AOPEP: variants seen among roughly 807,000 people sequenced by gnomAD.
The protein encoded by AOPEP is aminopeptidase O.
AOPEP carries 77 observed loss-of-function variants against 98.1 expected under a neutral mutation model. The observed-to-expected ratio is 0.78, with a 90% CI of 0.65 to 0.95. The LOEUF (loss-of-function observed/expected upper bound fraction) is 0.95, where lower values mean the gene tolerates loss of function less well. AOPEP is among the 40% of genes least tolerant of loss of function. The pLI, the probability that AOPEP is intolerant of heterozygous loss-of-function variation, is 0.00. For synonymous variants in AOPEP, 346 were observed against 365.3 expected, an observed-to-expected ratio of 0.95 and a Z score of 0.60; for missense variants, 1,024 against 1,024.7, an observed-to-expected ratio of 1.00 and a Z score of 0.01.
chr9:95,041,720 G>A (rs972173987), intron 13 of AOPEP, among the ~76,000 whole-genome samples: 14 of 152,104 alleles, frequency 9.2e-5, no homozygotes, highest in South Asian at 6.2e-4. Flanking sequence ...ATCAAGACGC[G>A]GTGGCCCCTG....
the AOPEP span, among the ~76,000 whole-genome samples, chr9:95,117,816 C>T: frequency 2.6e-5 from 4 of 151,742 alleles, no homozygotes; most frequent in South Asian, 2.1e-4. Context: ...CTCTGGCTCC[C>T]GGGTTCAAGC....
At chr9:94,768,385 A>G (rs1300797146) in intron 2 of AOPEP, among the ~76,000 whole-genome samples, 1 of 152,226 alleles carries the variant, frequency 6.6e-6, no homozygotes, top group Non-Finnish European at 1.5e-5. Flanking sequence ...CTGCGAAAAG[A>G]CAAATGCGTA....
chr9:95,064,579 G>A (rs568791604), intron 14 of AOPEP, among the ~76,000 whole-genome samples: 2 of 152,336 alleles, frequency 1.3e-5, no homozygotes, highest in South Asian at 2.1e-4. Flanking sequence ...GTGAGCCACC[G>A]CGCCTGGCCT....
chr9:95,016,078 T>G (rs2062957088), intron 13 of AOPEP, among the ~76,000 whole-genome samples: 1 of 152,038 alleles, frequency 6.6e-6, no homozygotes, highest in Non-Finnish European at 1.5e-5. Flanking sequence ...ACCTCTGAAC[T>G]TGGTTCAGTC....
Position 94,760,571 on chromosome 9 carries a change from A to C in AOPEP, c.788A>C (p.Gln263Pro). The C allele has an allele frequency of 6.5e-7, 1 of 1,538,238 alleles. No homozygotes were observed. The highest frequency in any genetic ancestry group is 8.7e-7 in the Non-Finnish European group (1 of 1,146,554). Residue 263 changes from glutamine to proline, a missense_variant, in exon 2 of 17, where the codon CAG becomes CCG. Physicochemically the swap from Gln to Pro is moderately conservative, Grantham distance 76. Around this residue, in one of 3 missense-constraint regions of AOPEP, gnomAD observed 440 missense variants for 433.8 expected, o/e 1.01. Transcript: ENST00000375315. The stretch of plus-strand genomic sequence containing the variant: ...CGATCGGTTACATGGACCTCAGACC[A>C]GAGTGGCAGGTAGGTTATCCAAGCA... ...EGRSVTWTSD[Q>P]SGRPCVYTVG...
chr9:94,832,883 A>G (rs1359915500), intron 5 of AOPEP, among the ~76,000 whole-genome samples: 19 of 151,908 alleles, frequency 1.3e-4, no homozygotes, highest in Non-Finnish European at 2.9e-5. Flanking sequence ...TCGGGGGTAC[A>G]GATAGTAAGA....
chr9:95,132,980 A>G, the AOPEP span, among the ~76,000 whole-genome samples: 1 of 152,268 alleles, frequency 6.6e-6, no homozygotes, highest in South Asian at 2.1e-4. Context: ...AATTACTCTC[A>G]GAATCCAACT....
At position 94,955,163 on chromosome 9, in the gene AOPEP, C is replaced by G; in HGVS notation, c.1662-14C>G. ...TGTGCTATACTTAAATAAATTGTTA[C>G]TAAATCGTTTTAGACCCAGTAAAGA... On this transcript the variant is annotated splice_polypyrimidine_tract_variant and intron_variant, in intron 7 of 16. Coordinates refer to ENST00000375315, the MANE Select transcript of AOPEP (RefSeq NM_001193329.3). The G allele has an allele frequency of 1.3e-6, 2 of 1,503,906 alleles. No individual in the cohort carries two copies. Among genetic ancestry groups the G allele is most frequent in the African/African-American group, 2.8e-5 (2 of 72,138 alleles). The allele number at this position is 1,503,906 out of a possible 1,614,324, so 93.2% of individuals were successfully genotyped here.
the AOPEP span, chr9:95,149,961 C>T: frequency 1.9e-6 from 3 of 1,611,640 alleles, no homozygotes; most frequent in East Asian, 2.2e-5. Context: ...AGAACTCTGG[C>T]TGGAGGATTT....
the AOPEP span, among the ~76,000 whole-genome samples, chr9:95,140,951 A>AT: frequency 6.6e-6 from 1 of 152,064 alleles, no homozygotes; most frequent in Non-Finnish European, 1.5e-5. Flanking sequence ...ATATAAGCAG[A>AT]TTTTTTATTA....
the AOPEP span, among the ~76,000 whole-genome samples, chr9:95,106,146 T>C: frequency 6.6e-6 from 1 of 152,152 alleles, no homozygotes; most frequent in Non-Finnish European, 1.5e-5. Context: ...CTCTCCTTGC[T>C]GACAGCCATC....
chr9:94,941,718 C>G (rs2057030042), intron 7 of AOPEP, among the ~76,000 whole-genome samples: 1 of 152,182 alleles, frequency 6.6e-6, no homozygotes, highest in Non-Finnish European at 1.5e-5. Flanking sequence ...CCTGGTTAGT[C>G]AGCACTCAGG....
chr9:95,147,070 TA>T, the AOPEP span, among the ~76,000 whole-genome samples: 1 of 150,764 alleles, frequency 6.6e-6, no homozygotes, highest in East Asian at 1.9e-4. Flanking sequence ...TATTTTAATA[TA>T]TATTTTAGAT....
intron 1 of AOPEP, among the ~76,000 whole-genome samples, chr9:94,752,035 G>C (rs925770804): frequency 6.6e-6 from 1 of 151,808 alleles, no homozygotes; most frequent in East Asian, 1.9e-4. Context: ...TGGACTATAG[G>C]CGTGTACACC....
intron 7 of AOPEP, among the ~76,000 whole-genome samples, chr9:94,952,361 T>C (rs1042362812): frequency 6.6e-6 from 1 of 152,262 alleles, no homozygotes; most frequent in African/African-American, 2.4e-5. Flanking sequence ...CCCATGAAAG[T>C]ACATTCAGAT....
chr9:94,819,962 T>TG (rs1298666623), intron 5 of AOPEP, among the ~76,000 whole-genome samples: 12 of 149,608 alleles, frequency 8.0e-5, no homozygotes, highest in South Asian at 2.1e-4. Context: ...TTTTTTTTTT[T>TG]TGAGATGGAG....
chr9:95,025,692 A>G (rs1458123806), intron 13 of AOPEP, among the ~76,000 whole-genome samples: 2 of 152,228 alleles, frequency 1.3e-5, no homozygotes, highest in Non-Finnish European at 2.9e-5. Context: ...TTTGGGAGGT[A>G]AGTGACTTGT....
chr9:94,797,244 C>T (rs967628442), intron 4 of AOPEP, among the ~76,000 whole-genome samples: 4 of 152,074 alleles, frequency 2.6e-5, no homozygotes, highest in Admixed American at 2.0e-4. Flanking sequence ...CCATCCTGAC[C>T]AACATGGTGA....
At chr9:94,817,660 C>A (rs950703865) in intron 5 of AOPEP, among the ~76,000 whole-genome samples, 1 of 152,180 alleles carries the variant, frequency 6.6e-6, no homozygotes, top group African/African-American at 2.4e-5. Context: ...AATATTTATC[C>A]TCAAGTAAAA....
Sources: allele counts gnomAD v4.1 joint callset (sites outside exome capture counted in the v4.1 genomes callset), GRCh38; gene constraint gnomAD v4.1.1; regional missense constraint gnomAD v4.1.1; transcripts MANE v1.5; gene names NCBI Gene and HGNC (gene_info 2026-07-23, HGNC 2026-07-21).